SESTD1: variants seen among roughly 807,000 people sequenced by gnomAD.
SESTD1 encodes the protein SEC14 domain and spectrin repeat-containing protein 1.
SESTD1 carries 43 observed loss-of-function variants against 101.7 expected under a neutral mutation model. That is an observed-to-expected ratio of 0.42 (90% CI 0.33 to 0.55). SESTD1 has a LOEUF of 0.55. SESTD1 is among the 20% of genes least tolerant of loss of function. The pLI, the probability that SESTD1 is intolerant of heterozygous loss-of-function variation, is 0.07. For missense variants in SESTD1, 647 were observed against 815.1 expected, an observed-to-expected ratio of 0.79 and a Z score of 2.51; for synonymous variants, 283 against 286.8, an observed-to-expected ratio of 0.99 and a Z score of 0.13.
intron 1 of SESTD1, among the ~76,000 whole-genome samples, chr2:179,216,865 A>T (rs2046728634): frequency 7.3e-6 from 1 of 137,880 alleles, no homozygotes; most frequent in African/African-American, 2.8e-5. Context: ...CAAACCTGAC[A>T]AAAACAAGAA....
rs1363909759 is a variant in SESTD1, at chr2:179,249,012, G to C, written c.-26+15487C>G. ...AGGCTGAGGTGGAAGGATCACTTGA[G>C]CCCAGGAGGTCAAGGCTGCACTGAG... On this transcript the variant is annotated intron_variant, in intron 1 of 17. Coordinates refer to ENST00000428443, the MANE Select transcript of SESTD1 (RefSeq NM_178123.5). 2.7e-5 allele frequency among the ~76,000 whole-genome samples: 4 copies of C among 149,950 alleles called. No homozygotes were observed. In the Admixed American group the frequency reaches 2.7e-4, roughly 10 times the overall value.
At chr2:179,215,232 T>C (rs2046704231) in intron 1 of SESTD1, among the ~76,000 whole-genome samples, 2 of 134,658 alleles carry the variant, frequency 1.5e-5, no homozygotes, top group African/African-American at 5.9e-5. Context: ...ACAAAATTGA[T>C]AGACCACTAG....
At chr2:179,223,385 A>T (rs983172860) in intron 1 of SESTD1, among the ~76,000 whole-genome samples, 2 of 152,120 alleles carry the variant, frequency 1.3e-5, no homozygotes, top group Non-Finnish European at 2.9e-5. Flanking sequence ...GAAATCTACT[A>T]AAAATCAATC....
chr2:179,138,630 C>T (rs2045208010), intron 9 of SESTD1, among the ~76,000 whole-genome samples: 1 of 152,058 alleles, frequency 6.6e-6, no homozygotes, highest in Non-Finnish European at 1.5e-5. Flanking sequence ...CAAAACTATA[C>T]ACAAAGGCAT....
chr2:179,201,918 T>TAGA (rs1553525548), intron 1 of SESTD1, among the ~76,000 whole-genome samples: 1 of 103,278 alleles, frequency 9.7e-6, no homozygotes, highest in Non-Finnish European at 1.9e-5. Flanking sequence ...AAACTTAAAG[T>TAGA]ATAATAATAA....
At chr2:179,236,692 A>C (rs1360635765) in intron 1 of SESTD1, among the ~76,000 whole-genome samples, 1 of 151,740 alleles carries the variant, frequency 6.6e-6, no homozygotes, top group Non-Finnish European at 1.5e-5. Context: ...TTAATATGTA[A>C]GAACAAGTCC....
At chr2:179,160,840 T>C (rs980437632) in intron 5 of SESTD1, among the ~76,000 whole-genome samples, 2 of 152,126 alleles carry the variant, frequency 1.3e-5, no homozygotes, top group African/African-American at 2.4e-5. Flanking sequence ...GTAGTATATA[T>C]AATAAGCTCA....
At chr2:179,126,823 C>T (rs918863330) in intron 10 of SESTD1, among the ~76,000 whole-genome samples, 2 of 152,128 alleles carry the variant, frequency 1.3e-5, no homozygotes, top group African/African-American at 4.8e-5. Flanking sequence ...GCAGTCCTCC[C>T]TGCCTTAGTA....
chr2:179,181,569 G>C (rs945128488), intron 3 of SESTD1, among the ~76,000 whole-genome samples: 2 of 152,058 alleles, frequency 1.3e-5, no homozygotes, highest in African/African-American at 4.8e-5. Flanking sequence ...CTCATCTGAA[G>C]TACAAAAAGG....
rs191481950 is a variant in SESTD1, at chr2:179,245,313, C to T, written c.-26+19186G>A. Among the ~76,000 whole-genome samples, 367 of 151,930 alleles carry T rather than the reference C, an allele frequency of 2.4e-3. 2 individuals are homozygous for T. Among genetic ancestry groups the T allele is most frequent in the African/African-American group, 8.1e-3 (337 of 41,458 alleles). ...GGACGGATCATGAGGTTAGGAGTTC[C>T]GAGACCAGCCTGGCCAATATGGTGA... On this transcript the variant is annotated intron_variant, in intron 1 of 17. Transcript: ENST00000428443.
chr2:179,255,103 T>A (rs2047373100), intron 1 of SESTD1, among the ~76,000 whole-genome samples: 1 of 152,168 alleles, frequency 6.6e-6, no homozygotes. Context: ...GACTGGGGCT[T>A]CTCCTGTCTC....
chr2:179,182,259 A>AAC (rs200342356), intron 3 of SESTD1, among the ~76,000 whole-genome samples: 4,344 of 150,228 alleles, frequency 0.029, 87 homozygotes, highest in Admixed American at 0.037. Context: ...TACACACACA[A>AAC]ACACACACAC....
intron 4 of SESTD1, among the ~76,000 whole-genome samples, chr2:179,174,876 G>A (rs568481431): frequency 6.6e-6 from 1 of 151,316 alleles, no homozygotes; most frequent in Non-Finnish European, 1.5e-5. Flanking sequence ...CTGAGCCCAG[G>A]AGCTGGAGGC....
chr2:179,257,498 G>A (rs1333551399), intron 1 of SESTD1, among the ~76,000 whole-genome samples: 3 of 152,212 alleles, frequency 2.0e-5, no homozygotes, highest in African/African-American at 7.2e-5. Context: ...AGAAAATCGT[G>A]TGACTTGCTT....
rs919311846 is a variant in SESTD1, at chr2:179,103,407, C to G, written c.*6492G>C. 5 of 152,054 alleles carry G rather than the reference C, an allele frequency of 3.3e-5. No homozygotes were observed. The highest frequency in any genetic ancestry group is 9.7e-5 in the African/African-American group (4 of 41,398). The allele number at this position is 152,054 out of a possible 1,614,324, so 9.4% of individuals were successfully genotyped here. The stretch of plus-strand genomic sequence containing the variant: ...GGTATGGCAGTTTCTTTTAAAACTA[C>G]CCTGTGACCCAGCAATTCTAATCCA... On this transcript the variant is annotated 3_prime_UTR_variant, in exon 18 of 18. Coordinates refer to ENST00000428443, the MANE Select transcript of SESTD1 (RefSeq NM_178123.5).
rs1559100415 is a variant in SESTD1 at position 179,123,749 on chromosome 2, A to G, written c.1248T>C (p.Thr416=). 1 of 1,614,000 alleles carries G rather than the reference A, an allele frequency of 6.2e-7. No individual in the cohort carries two copies. Among genetic ancestry groups the G allele is most frequent in the East Asian group, 2.2e-5 (1 of 44,850 alleles). The part of the protein sequence containing the change: ...APADGASIQQ[T]LKLLEEKLKS... ...TCAGCTTCTCTTCAAGCAGTTTTAA[A>G]GTTTGCTGAATCGATGCTCCATCAG... The change falls in exon 12 of 18, where the codon ACT becomes ACC. Residue 416 remains threonine (T), a synonymous_variant. Coordinates refer to ENST00000428443, the MANE Select transcript of SESTD1 (RefSeq NM_178123.5).
At position 179,149,461 on chromosome 2, in the gene SESTD1, A is replaced by T. The variant is rs1238116898; in HGVS notation, c.484-67T>A. ...AAATTAATATGTAATAAGGATTGTC[A>T]GTTAAGAGTAATAGAATTGGCCAGC... On this transcript the variant is annotated intron_variant, in intron 6 of 17. Coordinates refer to ENST00000428443, the MANE Select transcript of SESTD1 (RefSeq NM_178123.5). 3 of 1,098,948 alleles carry T rather than the reference A, an allele frequency of 2.7e-6. No individual in the cohort carries two copies. In the African/African-American group the frequency reaches 4.9e-5, roughly 18 times the overall value. The allele number at this position is 1,098,948 out of a possible 1,614,324, so 68.1% of individuals were successfully genotyped here.
chr2:179,108,518 G>A lies in SESTD1; in HGVS notation c.*1381C>T, dbSNP rs2044436025. 6.6e-6 allele frequency: 1 copy of A among 152,084 alleles called. No individual in the cohort carries two copies. The highest frequency in any genetic ancestry group is 2.4e-5 in the African/African-American group (1 of 41,396). The allele number at this position is 152,084 out of a possible 1,614,324, so 9.4% of individuals were successfully genotyped here. ...TGAGTAGTGAGTGATGAGGATGTAG[G>A]GGCACTGGATGTGGATTTCTCCAAG... On this transcript the variant is annotated 3_prime_UTR_variant, in exon 18 of 18. Transcript: ENST00000428443.
intron 2 of SESTD1, among the ~76,000 whole-genome samples, chr2:179,188,075 C>T (rs1380160252): frequency 2.6e-5 from 4 of 152,154 alleles, no homozygotes; most frequent in African/African-American, 9.7e-5. Flanking sequence ...ACTTGACCAA[C>T]TGGACCTAAT....
Sources: gnomAD v4.1 joint callset for allele counts (sites outside exome capture counted in the v4.1 genomes callset) on GRCh38, gnomAD v4.1.1 for gene constraint, MANE v1.5 for transcripts, NCBI Gene and HGNC (gene_info 2026-07-23, HGNC 2026-07-21) for gene names.